The following MILR1 variants were observed in gnomAD, a reference collection of about 807,000 sequenced individuals.
MILR1 encodes allergin-1.
In MILR1, 31 loss-of-function variants were observed where a neutral mutation model predicts 18.5. That is an observed-to-expected ratio of 1.68 (90% CI 1.26 to 2.26). The LOEUF (loss-of-function observed/expected upper bound fraction) is 2.26, where lower values mean the gene tolerates loss of function less well. MILR1 is among the 30% of genes most tolerant of loss of function. The probability of loss-of-function intolerance (pLI) is 0.00; values close to 1 mark genes in which losing one functional copy is unlikely to be tolerated. For synonymous variants in MILR1, 85 were observed against 56.2 expected (o/e 1.51, Z -2.30); for missense variants, 257 against 157.4 (o/e 1.63, Z -3.38).
the MILR1 span, among the ~76,000 whole-genome samples, chr17:64,481,818 T>C: frequency 3.3e-5 from 5 of 151,894 alleles, no homozygotes; most frequent in African/African-American, 9.7e-5. Context: ...GAGGTTGCAG[T>C]GAGCCGAGAT....
intron 6 of MILR1, 34 bp from the exon 7 acceptor site, chr17:64,466,398 ACAAACGCCAC>A (rs1568071570): frequency 2.5e-6 from 4 of 1,577,702 alleles, no homozygotes; most frequent in Non-Finnish European, 3.5e-6. Context: ...CTTTTCTAAC[ACAAACGCCAC>A]CAACCCCCAA....
intron 4 of MILR1, among the ~76,000 whole-genome samples, chr17:64,460,605 G>A (rs1347494222): frequency 8.5e-5 from 13 of 152,186 alleles, no homozygotes; most frequent in East Asian, 5.8e-4. Context: ...CTTGATCTCC[G>A]AAAGTGCTGG....
the MILR1 span, among the ~76,000 whole-genome samples, chr17:64,481,623 A>C: frequency 6.6e-6 from 1 of 152,232 alleles, no homozygotes; most frequent in South Asian, 2.1e-4. Flanking sequence ...CTGTAATCCC[A>C]GCACGTTGGG....
chr17:64,481,519 T>A, the MILR1 span: 1 of 513,634 alleles, frequency 1.9e-6, no homozygotes, highest in Non-Finnish European at 2.5e-6. Context: ...ATTAGAAAAA[T>A]CAAAATAAAA....
intron 3 of MILR1, among the ~76,000 whole-genome samples, chr17:64,455,724 T>C (rs2037281916): frequency 6.7e-6 from 1 of 149,876 alleles, no homozygotes; most frequent in Admixed American, 6.7e-5. Context: ...CCTCCCAAAG[T>C]GCTCACTCAT....
At position 64,453,888 on chromosome 17, in the gene MILR1, C is replaced by T. The variant is rs1300909639; in HGVS notation, c.367+1022C>T. 5.3e-5 allele frequency among the ~76,000 whole-genome samples: 8 copies of T among 151,940 alleles called. 1 individual carries two copies. Among genetic ancestry groups the T allele is most frequent in the Admixed American group, 2.6e-4 (4 of 15,204 alleles). ...TCCTCTATGTCTATGCTATCCAGTA[C>T]GGTACTGTTTAAACTTATTTGTTTA... is the stretch of plus-strand genomic sequence containing the variant. On this transcript the variant is annotated intron_variant, in intron 3 of 9. Coordinates refer to ENST00000619286, the MANE Select transcript of MILR1 (RefSeq NM_001085423.2).
intron 4 of MILR1, among the ~76,000 whole-genome samples, chr17:64,459,390 C>A (rs1322151057): frequency 6.6e-6 from 1 of 151,952 alleles, no homozygotes; most frequent in South Asian, 2.1e-4. Flanking sequence ...CTGTGATCAT[C>A]GTGCCCTGCA....
At chr17:64,477,046 A>G in the MILR1 span, among the ~76,000 whole-genome samples, 1 of 152,250 alleles carries the variant, frequency 6.6e-6, no homozygotes, top group Non-Finnish European at 1.5e-5. Flanking sequence ...AATATATGAC[A>G]TCTAACATAT....
rs2037534053 is a variant in MILR1 at position 64,465,502 on chromosome 17, GA to G, written c.816del (p.Val273LeufsTer94). 6.2e-7 allele frequency: 1 copy of G among 1,611,010 alleles called. No homozygotes were observed. Among genetic ancestry groups the G allele is most frequent in the Non-Finnish European group, 8.5e-7 (1 of 1,178,814 alleles). ...CAGGGACCGTGGAGACACAGCCATG[GA>G]AGTTGGAATCTATGCAAATATCCTT... ...VPRDRGDTAM[E>X]VGIYANILEK... On this transcript the variant is annotated frameshift_variant, in exon 6 of 10. Transcript: ENST00000619286. LOFTEE classifies it high-confidence loss of function.
At chr17:64,485,743 T>C in the MILR1 span, 1 of 1,613,134 alleles carries the variant, frequency 6.2e-7, no homozygotes. Context: ...TATGAAGATT[T>C]TTCTTTCTTG....
At chr17:64,468,654 A>G (rs758095835), downstream of MILR1, 140 of 1,117,720 alleles carry the variant, frequency 1.3e-4, no homozygotes, top group Non-Finnish European at 1.4e-4. Flanking sequence ...TCCTTCTCTG[A>G]GCCTTCTGAC....
chr17:64,465,579 G>GT, intron 6 of MILR1, 38 bp downstream of exon 6: 2 of 1,569,592 alleles, frequency 1.3e-6, no homozygotes, highest in Non-Finnish European at 8.6e-7. Flanking sequence ...GTGGTTTCAG[G>GT]TTTTTGTCTT....
At chr17:64,473,329 C>T (rs1316805157), downstream of MILR1, among the ~76,000 whole-genome samples, 5 of 141,694 alleles carry the variant, frequency 3.5e-5, no homozygotes, top group East Asian at 2.0e-4. Context: ...CCAGCCTGGG[C>T]GACAGAGGAA....
At chr17:64,484,338 A>G in the MILR1 span, 1 of 152,354 alleles carries the variant, frequency 6.6e-6, no homozygotes, top group African/African-American at 2.4e-5. Flanking sequence ...ACTCTAGGCA[A>G]TGGGGAATAC....
intron 8 of MILR1, among the ~76,000 whole-genome samples, chr17:64,467,150 G>A (rs1379230209): frequency 1.3e-5 from 2 of 148,374 alleles, no homozygotes; most frequent in East Asian, 2.0e-4. Flanking sequence ...CTGTTGCCCA[G>A]GCTAGAGTGC....
the MILR1 span, chr17:64,484,262 T>C: frequency 6.6e-6 from 1 of 152,214 alleles, no homozygotes; most frequent in Non-Finnish European, 1.5e-5. Flanking sequence ...TCTCTCCCTA[T>C]GGTGACACTT....
At chr17:64,490,396 A>T in the MILR1 span, 4 of 237,542 alleles carry the variant, frequency 1.7e-5, no homozygotes, top group Admixed American at 1.0e-4. Context: ...AAATACATAA[A>T]TCACGTGGAA....
chr17:64,482,802 G>A, the MILR1 span: 20 of 678,418 alleles, frequency 2.9e-5, no homozygotes, highest in Non-Finnish European at 5.4e-5. Flanking sequence ...TTGGATTTTT[G>A]GATTAGAGAT....
the MILR1 span, among the ~76,000 whole-genome samples, chr17:64,488,716 T>A: frequency 6.6e-6 from 1 of 152,326 alleles, no homozygotes; most frequent in African/African-American, 2.4e-5. Flanking sequence ...AAGGAAAATG[T>A]TCACCAGTTA....
Sources: allele counts gnomAD v4.1 joint callset (sites outside exome capture counted in the v4.1 genomes callset), GRCh38; gene constraint gnomAD v4.1.1; transcripts MANE v1.5; gene names NCBI Gene and HGNC (gene_info 2026-07-23, HGNC 2026-07-21).